Variants in HDAC9 observed in about 807,000 individuals in gnomAD.
HDAC9 encodes the protein histone deacetylase 9, also known as MEF-2 interacting transcription repressor (MITR) protein.
HDAC9 carries 41 observed loss-of-function variants against 139.4 expected under a neutral mutation model. The ratio of observed to expected loss-of-function variants is 0.29; its 90% CI spans 0.23 to 0.38. The LOEUF (loss-of-function observed/expected upper bound fraction) is 0.38. Among genes scored for constraint, HDAC9 ranks in the 10% least tolerant of loss-of-function variants. HDAC9 has a pLI of 1.00. For synonymous variants in HDAC9, 517 were observed against 476.2 expected, an observed-to-expected ratio of 1.09 and a Z score of -1.12; for missense variants, 1,147 against 1,297.0, an observed-to-expected ratio of 0.88 and a Z score of 1.78.
chr7:18,175,807 T>G (rs1348160188), intron 2 of HDAC9, among the ~76,000 whole-genome samples: 1 of 136,036 alleles, frequency 7.4e-6, no homozygotes, highest in African/African-American at 2.7e-5. Flanking sequence ...TCCTGGCACT[T>G]GATTATATAA....
intron 1 of HDAC9, among the ~76,000 whole-genome samples, chr7:18,476,108 A>G (rs569526448): frequency 6.6e-6 from 1 of 152,334 alleles, no homozygotes; most frequent in African/African-American, 2.4e-5. Context: ...ATAGTCTTAA[A>G]CTTCAATTTT....
chr7:18,242,673 G>T (rs1794260996), intron 2 of HDAC9, among the ~76,000 whole-genome samples: 1 of 152,090 alleles, frequency 6.6e-6, no homozygotes, highest in African/African-American at 2.4e-5. Context: ...TACTTAAATT[G>T]TGTGCTAATC....
chr7:18,407,784 C>T (rs1018247904), intron 1 of HDAC9, among the ~76,000 whole-genome samples: 5 of 152,166 alleles, frequency 3.3e-5, no homozygotes, highest in African/African-American at 9.7e-5. Flanking sequence ...GAAAAGGATG[C>T]TGCTATTCCC....
intron 21 of HDAC9, among the ~76,000 whole-genome samples, chr7:18,871,108 A>T (rs1798885341): frequency 6.6e-6 from 1 of 152,134 alleles, no homozygotes; most frequent in African/African-American, 2.4e-5. Flanking sequence ...TCTCCTTTCT[A>T]TTCAATTATT....
intron 2 of HDAC9, among the ~76,000 whole-genome samples, chr7:18,241,735 C>G (rs1327215727): frequency 6.6e-6 from 1 of 152,088 alleles, no homozygotes; most frequent in Non-Finnish European, 1.5e-5. Flanking sequence ...CGCCTGAGTA[C>G]CATTGTGGTT....
chr7:18,452,082 C>G (rs1228010357), intron 1 of HDAC9, among the ~76,000 whole-genome samples: 1 of 152,148 alleles, frequency 6.6e-6, no homozygotes, highest in East Asian at 1.9e-4. Flanking sequence ...ATTTGAACTT[C>G]AGTTAGCAGC....
At chr7:18,377,344 G>A (rs148686148) in intron 1 of HDAC9, among the ~76,000 whole-genome samples, 1,785 of 152,170 alleles carry the variant, frequency 0.012, 11 homozygotes, top group South Asian at 0.026. Context: ...GAATTTTAAC[G>A]TATTCAGTAT....
intron 2 of HDAC9, among the ~76,000 whole-genome samples, chr7:18,195,404 T>G (rs1790653810): frequency 6.6e-6 from 1 of 152,216 alleles, no homozygotes; most frequent in South Asian, 2.1e-4. Flanking sequence ...CAAAAAATAG[T>G]ATTTCTGCAG....
At chr7:18,599,582 T>C (rs528198903) in intron 6 of HDAC9, among the ~76,000 whole-genome samples, 1 of 152,372 alleles carries the variant, frequency 6.6e-6, no homozygotes, top group South Asian at 2.1e-4. Context: ...TTCTTGTATT[T>C]GGCAGTATGC....
chr7:18,510,231 G>A (rs1263801756), intron 2 of HDAC9, among the ~76,000 whole-genome samples: 2 of 152,118 alleles, frequency 1.3e-5, no homozygotes, highest in African/African-American at 4.8e-5. Flanking sequence ...TTAACGAAGG[G>A]AATTTGGGAA....
At chr7:18,991,641 GAA>G (rs1270525942) in intron 25 of HDAC9, among the ~76,000 whole-genome samples, 3 of 95,754 alleles carry the variant, frequency 3.1e-5, no homozygotes, top group African/African-American at 7.1e-5. Flanking sequence ...CGTCTCAAAA[GAA>G]AAAAAAAAAA....
chr7:18,266,694 G>A (rs1337880421), intron 2 of HDAC9, among the ~76,000 whole-genome samples: 1 of 152,236 alleles, frequency 6.6e-6, no homozygotes, highest in East Asian at 1.9e-4. Flanking sequence ...TACAATGACT[G>A]TAAATACACT....
intron 2 of HDAC9, among the ~76,000 whole-genome samples, chr7:18,537,309 C>G (rs1056544470): frequency 6.6e-6 from 1 of 151,980 alleles, no homozygotes; most frequent in African/African-American, 2.4e-5. Context: ...TGGAACCAAA[C>G]TAAGGGGTTT....
intron 2 of HDAC9, among the ~76,000 whole-genome samples, chr7:18,266,981 A>C (rs981583963): frequency 1.3e-5 from 2 of 152,024 alleles, no homozygotes; most frequent in African/African-American, 4.8e-5. Flanking sequence ...AATTACAAAA[A>C]TCACATATTT....
intron 25 of HDAC9, among the ~76,000 whole-genome samples, chr7:18,980,697 CCTT>C (rs1263365414): frequency 2.1e-5 from 3 of 143,848 alleles, no homozygotes; most frequent in Non-Finnish European, 3.0e-5. Flanking sequence ...TGTTCTTCTT[CCTT>C]CTTCTTCCTT....
intron 22 of HDAC9, among the ~76,000 whole-genome samples, chr7:18,907,654 A>G (rs942786052): frequency 6.6e-6 from 1 of 152,230 alleles, no homozygotes; most frequent in Non-Finnish European, 1.5e-5. Flanking sequence ...GTGGACCTAT[A>G]ATCCTCTGTA....
At chr7:18,299,348 A>G (rs537927010) in intron 1 of HDAC9, among the ~76,000 whole-genome samples, 1 of 151,948 alleles carries the variant, frequency 6.6e-6, no homozygotes, top group Admixed American at 6.6e-5. Flanking sequence ...GCCTTTGGGT[A>G]ATGTATTGGA....
At position 18,647,774 on chromosome 7, in the gene HDAC9, T is replaced by C. The variant is rs773215043; in HGVS notation, c.1036-11T>C. 6.3e-7 allele frequency: 1 copy of C among 1,594,722 alleles called. No individual in the cohort carries two copies. Among genetic ancestry groups the C allele is most frequent in the Non-Finnish European group, 8.5e-7 (1 of 1,169,834 alleles). ...AAAGAGGATTAACATCTTTGTTATT[T>C]CTCAACACAGGCTTCGAATTCACTC... On this transcript the variant is annotated splice_polypyrimidine_tract_variant and intron_variant, in intron 9 of 25. Coordinates refer to ENST00000686413, the MANE Select transcript of HDAC9 (RefSeq NM_178425.4).
chr7:18,993,473 A>G lies in HDAC9; in HGVS notation c.3171-2550A>G, dbSNP rs183141335. On this transcript the variant is annotated intron_variant, in intron 25 of 25. Coordinates refer to ENST00000686413, the MANE Select transcript of HDAC9 (RefSeq NM_178425.4). The stretch of plus-strand genomic sequence containing the variant: ...TGAAATCCAGGATATTTTCCAACTT[A>G]CTATGCTACTAACACTTCTATGCTG... 1.6e-4 allele frequency among the ~76,000 whole-genome samples: 24 copies of G among 152,286 alleles called. No homozygotes were observed. The East Asian group carries it at 2.1e-3, about 13-fold the overall frequency.
Sources: allele counts gnomAD v4.1 joint callset (sites outside exome capture counted in the v4.1 genomes callset), GRCh38; gene constraint gnomAD v4.1.1; transcripts MANE v1.5; gene names NCBI Gene and HGNC (gene_info 2026-07-23, HGNC 2026-07-21).